ENKUR: variants seen among roughly 807,000 people sequenced by gnomAD.
ENKUR encodes the protein enkurin, TRPC channel interacting protein.
Under a neutral mutation model 27.6 loss-of-function variants are expected in ENKUR, and 19 were observed. The observed-to-expected ratio is 0.69, with a 90% CI of 0.48 to 1.01. The LOEUF (loss-of-function observed/expected upper bound fraction) is 1.01, where lower values mean the gene tolerates loss of function less well. Ranked by LOEUF, ENKUR falls within the 50% of genes least tolerant of loss-of-function variation. The pLI is 0.00. For synonymous variants in ENKUR, 117 were observed against 96.9 expected (o/e 1.21, Z -1.22); for missense variants, 312 against 310.5 (o/e 1.00, Z -0.04).
At chr10:25,008,519 G>C (rs753001256) in intron 1 of ENKUR, among the ~76,000 whole-genome samples, 1 of 152,182 alleles carries the variant, frequency 6.6e-6, no homozygotes, top group Non-Finnish European at 1.5e-5. Context: ...TATTGACACT[G>C]AATAAAGCAG....
At chr10:25,048,375 C>T (rs1053138431) in intron 2 of ENKUR, among the ~76,000 whole-genome samples, 1 of 151,706 alleles carries the variant, frequency 6.6e-6, no homozygotes, top group African/African-American at 2.4e-5. Context: ...AGCGTGGAGG[C>T]GATATATGGG....
chr10:25,059,381 C>T (rs956599271), intron 2 of ENKUR, among the ~76,000 whole-genome samples: 3 of 152,138 alleles, frequency 2.0e-5, no homozygotes, highest in African/African-American at 7.2e-5. Flanking sequence ...ATCCACCCGC[C>T]TCAGCCTCCC....
chr10:25,016,687 C>G (rs571159886), upstream of ENKUR: 50 of 152,476 alleles, frequency 3.3e-4, no homozygotes, highest in African/African-American at 1.2e-3. Flanking sequence ...GGGGAGCTAG[C>G]TGCAGGTACG....
intron 3 of ENKUR, among the ~76,000 whole-genome samples, chr10:24,993,505 T>C (rs1028030797): frequency 5.3e-5 from 8 of 152,222 alleles, no homozygotes; most frequent in African/African-American, 1.9e-4. Context: ...TTTTCAGAAA[T>C]TGTTTCTCAT....
chr10:25,037,404 T>G (rs1001291486), intron 2 of ENKUR, among the ~76,000 whole-genome samples: 3 of 152,188 alleles, frequency 2.0e-5, no homozygotes, highest in Non-Finnish European at 4.4e-5. Context: ...GAGAAAGGCA[T>G]GCAGAGAAAT....
chr10:25,015,427 C>T (rs923406180), intron 1 of ENKUR, among the ~76,000 whole-genome samples: 1 of 152,100 alleles, frequency 6.6e-6, no homozygotes, highest in Non-Finnish European at 1.5e-5. Context: ...GGGGAAAAGT[C>T]CTATCCTATC....
At chr10:25,037,315 G>A (rs1474905365) in intron 2 of ENKUR, among the ~76,000 whole-genome samples, 3 of 152,196 alleles carry the variant, frequency 2.0e-5, no homozygotes, top group African/African-American at 7.2e-5. Context: ...ACGGACTTAA[G>A]AGGTGGAACC....
At chr10:25,011,580 A>G (rs1288394966) in intron 1 of ENKUR, among the ~76,000 whole-genome samples, 1 of 152,200 alleles carries the variant, frequency 6.6e-6, no homozygotes, top group African/African-American at 2.4e-5. Flanking sequence ...ACAAAAATTA[A>G]TTCAAGATGG....
intron 2 of ENKUR, among the ~76,000 whole-genome samples, chr10:25,036,762 C>T (rs1851013539): frequency 6.6e-6 from 1 of 152,162 alleles, no homozygotes; most frequent in African/African-American, 2.4e-5. Context: ...TTCCTAGAAG[C>T]TTGTCACAGT....
At chr10:25,061,263 C>T (rs1851323734) in exon 2 of ENKUR, 2 of 873,578 alleles carry the variant, frequency 2.3e-6, no homozygotes, top group African/African-American at 3.3e-5. Context: ...CTGCCAGACA[C>T]ATCCAGATAT....
intron 2 of ENKUR, among the ~76,000 whole-genome samples, chr10:25,053,344 A>G (rs1851209653): frequency 6.6e-6 from 1 of 152,192 alleles, no homozygotes; most frequent in African/African-American, 2.4e-5. Context: ...TATATAATAC[A>G]TTGTTATTAA....
intron 2 of ENKUR, among the ~76,000 whole-genome samples, chr10:25,058,422 G>C (rs1290850338): frequency 6.6e-6 from 1 of 152,038 alleles, no homozygotes; most frequent in Admixed American, 6.6e-5. Context: ...TTTTCAAACT[G>C]GTGTCAAATT....
chr10:25,019,221 C>T (rs1486588844), upstream of ENKUR, among the ~76,000 whole-genome samples: 1 of 152,100 alleles, frequency 6.6e-6, no homozygotes, highest in Non-Finnish European at 1.5e-5. Context: ...ACCTGCAATC[C>T]AAGCACTTTT....
chr10:25,048,940 A>C (rs1301275052), intron 2 of ENKUR, among the ~76,000 whole-genome samples: 1 of 152,124 alleles, frequency 6.6e-6, no homozygotes, highest in Non-Finnish European at 1.5e-5. Flanking sequence ...ATGGACATGG[A>C]AATCAGAAAG....
At chr10:24,997,377 C>CTTT (rs78966878) in intron 2 of ENKUR, among the ~76,000 whole-genome samples, 1 of 139,148 alleles carries the variant, frequency 7.2e-6, no homozygotes, top group African/African-American at 2.7e-5. Context: ...CCCTGCATTC[C>CTTT]TTTTTTTTTT....
chr10:24,999,594 T>C (rs375772457), intron 1 of ENKUR, 48 bp from the exon 2 acceptor site: 134 of 1,465,876 alleles, frequency 9.1e-5, no homozygotes, highest in South Asian at 2.5e-5. Flanking sequence ...CTAGTAAAAA[T>C]TACCTAAAGT....
At chr10:25,018,659 G>GTTT (rs374289213), upstream of ENKUR, among the ~76,000 whole-genome samples, 1,125 of 93,518 alleles carry the variant, frequency 0.012, 61 homozygotes, top group Middle Eastern at 0.027. Context: ...AATGAGAGTT[G>GTTT]TTTTTTTTTT....
chr10:25,001,742 C>T (rs917176006), intron 1 of ENKUR, among the ~76,000 whole-genome samples: 7 of 152,070 alleles, frequency 4.6e-5, no homozygotes, highest in Admixed American at 2.0e-4. Context: ...CTTTCCCCAT[C>T]TTGGTTCATG....
chr10:25,025,728 C>T (rs1229592523), intron 2 of ENKUR: 8 of 369,836 alleles, frequency 2.2e-5, no homozygotes, highest in Non-Finnish European at 4.1e-5. Context: ...ATTTCCACTC[C>T]CACACCCTCA....
Sources: gnomAD v4.1 joint callset for allele counts (sites outside exome capture counted in the v4.1 genomes callset) on GRCh38, gnomAD v4.1.1 for gene constraint, MANE v1.5 for transcripts, NCBI Gene and HGNC (gene_info 2026-07-23, HGNC 2026-07-21) for gene names.